Variants in TRIP4 observed in about 807,000 individuals in gnomAD.
TRIP4 encodes thyroid hormone receptor interactor 4.
Under a neutral mutation model 81.8 loss-of-function variants are expected in TRIP4, and 54 were observed. That is an observed-to-expected ratio of 0.66 (90% confidence interval 0.53 to 0.83). The LOEUF is 0.83. Among genes scored for constraint, TRIP4 ranks in the 40% least tolerant of loss-of-function variants. TRIP4 has a pLI of 0.00. For synonymous variants in TRIP4, 270 were observed against 242.8 expected (o/e 1.11, Z -1.04); for missense variants, 662 against 683.6 (o/e 0.97, Z 0.35).
At chr15:64,422,649 A>G (rs539564782) in intron 9 of TRIP4, among the ~76,000 whole-genome samples, 33 of 152,340 alleles carry the variant, frequency 2.2e-4, no homozygotes, top group African/African-American at 7.9e-4. Flanking sequence ...AAACTAAACA[A>G]CTTGCCTTCT....
Position 64,409,768 on chromosome 15 carries a change from T to C in TRIP4, c.983T>C (p.Ile328Thr). 1.9e-6 allele frequency: 3 copies of C among 1,614,174 alleles called. No individual in the cohort carries two copies. Among genetic ancestry groups the C allele is most frequent in the Non-Finnish European group, 2.5e-6 (3 of 1,180,040 alleles). Residue 328 changes from isoleucine to threonine, a missense_variant, in exon 7 of 13, where the codon ATT becomes ACT. By Grantham distance (89) the Ile-to-Thr change is moderately conservative (BLOSUM62 -1). Transcript: ENST00000261884. The stretch of plus-strand genomic sequence containing the variant: ...TCTCGACTTTCTAAGAAGGTCACCA[T>C]TGACTTTGCAGGAAGGAAGATCCTG... ...HASRLSKKVT[I>T]DFAGRKILEE...
chr15:64,451,187 A>G (rs1169833173), intron 12 of TRIP4, among the ~76,000 whole-genome samples: 1 of 151,950 alleles, frequency 6.6e-6, no homozygotes, highest in Non-Finnish European at 1.5e-5. Flanking sequence ...ATCTCAGCTC[A>G]CTGCAACCTC....
intron 11 of TRIP4, among the ~76,000 whole-genome samples, chr15:64,426,350 A>G (rs1016636216): frequency 6.6e-6 from 1 of 152,098 alleles, no homozygotes; most frequent in Non-Finnish European, 1.5e-5. Flanking sequence ...ATGAATGTAC[A>G]TATGTATGAA....
At chr15:64,402,463 C>T (rs1891531643) in intron 5 of TRIP4, among the ~76,000 whole-genome samples, 1 of 151,760 alleles carries the variant, frequency 6.6e-6, no homozygotes, top group Admixed American at 6.6e-5. Context: ...TCAGGTGTTC[C>T]ACCCACCTCA....
At chr15:64,437,881 A>G (rs1355500362) in intron 11 of TRIP4, among the ~76,000 whole-genome samples, 2 of 152,186 alleles carry the variant, frequency 1.3e-5, no homozygotes, top group Non-Finnish European at 2.9e-5. Flanking sequence ...TTAGGAAATT[A>G]TGGTTGTCCA....
intron 11 of TRIP4, among the ~76,000 whole-genome samples, chr15:64,431,887 T>TC (rs1472496706): frequency 1.7e-3 from 200 of 114,980 alleles, no homozygotes; most frequent in African/African-American, 8.5e-3. Flanking sequence ...CTTTTTTTTT[T>TC]TTTTTTTTTT....
chr15:64,397,060 T>C (rs996660599), intron 3 of TRIP4, among the ~76,000 whole-genome samples: 1 of 152,242 alleles, frequency 6.6e-6, no homozygotes, highest in Non-Finnish European at 1.5e-5. Context: ...GAAGTTCTTA[T>C]TAGGTTTTTT....
intron 12 of TRIP4, among the ~76,000 whole-genome samples, chr15:64,451,996 TTGCCCA>T (rs1387059518): frequency 6.6e-6 from 1 of 151,718 alleles, no homozygotes; most frequent in Non-Finnish European, 1.5e-5. Flanking sequence ...TCTCACTCTG[TTGCCCA>T]TGCTGGAGTG....
At chr15:64,414,935 A>G (rs751067168) in intron 8 of TRIP4, among the ~76,000 whole-genome samples, 5 of 152,026 alleles carry the variant, frequency 3.3e-5, no homozygotes, top group Non-Finnish European at 7.4e-5. Flanking sequence ...CTCTACTAAA[A>G]ATACAAAAAT....
Position 64,400,762 on chromosome 15 carries a change from A to G in TRIP4, c.638A>G (p.Gln213Arg), listed in dbSNP as rs781152404. Reference protein sequence around the residue: ...CGTLVCTHEEQDILQRDSNKS... With the variant: ...CGTLVCTHEERDILQRDSNKS... ...TTACAGGTGTGTACTCATGAGGAAC[A>G]AGATATTTTACAGCGTGACTCAAAC... The change falls in exon 5 of 13, where the codon CAA becomes CGA. Residue 213 changes from glutamine (Q) to arginine (R), a missense_variant. Transcript: ENST00000261884. 1.9e-6 allele frequency: 3 copies of G among 1,614,090 alleles called. No individual in the cohort carries two copies. The highest frequency in any genetic ancestry group is 2.5e-6 in the Non-Finnish European group (3 of 1,179,958).
At chr15:64,453,102 G>C (rs1349502093) in intron 12 of TRIP4, among the ~76,000 whole-genome samples, 2 of 152,194 alleles carry the variant, frequency 1.3e-5, no homozygotes, top group Admixed American at 1.3e-4. Context: ...AGAATTGCTT[G>C]AACCTGGGTG....
chr15:64,417,223 G>C (rs1343334629), intron 8 of TRIP4, among the ~76,000 whole-genome samples: 1 of 152,080 alleles, frequency 6.6e-6, no homozygotes, highest in Non-Finnish European at 1.5e-5. Flanking sequence ...TGTTGCCCAG[G>C]TTGGTCTTAA....
At chr15:64,421,216 A>G (rs1346224704) in intron 9 of TRIP4, among the ~76,000 whole-genome samples, 2 of 149,692 alleles carry the variant, frequency 1.3e-5, no homozygotes, top group Non-Finnish European at 3.0e-5. Context: ...CGGGAGGTGG[A>G]GGTTGCAGTG....
chr15:64,454,228 A>G (rs1202880100), intron 12 of TRIP4, among the ~76,000 whole-genome samples: 1 of 151,884 alleles, frequency 6.6e-6, no homozygotes, highest in Non-Finnish European at 1.5e-5. Flanking sequence ...TGTGGGAGAA[A>G]GCAAACTGCC....
chr15:64,417,310 C>A (rs1315779046), intron 8 of TRIP4, among the ~76,000 whole-genome samples: 1 of 151,970 alleles, frequency 6.6e-6, no homozygotes, highest in Non-Finnish European at 1.5e-5. Context: ...TCATGCCTGG[C>A]CCTTATTATT....
chr15:64,391,860 A>T (rs1900140358), intron 1 of TRIP4, among the ~76,000 whole-genome samples: 2 of 150,720 alleles, frequency 1.3e-5, no homozygotes, highest in South Asian at 4.2e-4. Context: ...AATCCCAGCT[A>T]CTCAGGAGGC....
At chr15:64,453,178 CAATA>C (rs1183652100) in intron 12 of TRIP4, among the ~76,000 whole-genome samples, 1 of 151,996 alleles carries the variant, frequency 6.6e-6, no homozygotes, top group Non-Finnish European at 1.5e-5. Context: ...GACTCTGTCT[CAATA>C]AATAAAGTCT....
intron 11 of TRIP4, among the ~76,000 whole-genome samples, chr15:64,428,460 T>C (rs1892198350): frequency 6.6e-6 from 1 of 152,196 alleles, no homozygotes; most frequent in Non-Finnish European, 1.5e-5. Context: ...CTCCCATATG[T>C]TTCCAGCTAG....
chr15:64,438,978 C>G (rs1892459910), intron 11 of TRIP4, among the ~76,000 whole-genome samples: 1 of 152,148 alleles, frequency 6.6e-6, no homozygotes, highest in African/African-American at 2.4e-5. Context: ...GAGCTGGAAG[C>G]CCCTGTCTTA....
Sources: gnomAD v4.1 joint callset for allele counts (sites outside exome capture counted in the v4.1 genomes callset) on GRCh38, gnomAD v4.1.1 for gene constraint, MANE v1.5 for transcripts, NCBI Gene and HGNC (gene_info 2026-07-23, HGNC 2026-07-21) for gene names.